DPEP2: variants seen among roughly 807,000 people sequenced by gnomAD.
The protein encoded by DPEP2 is dipeptidase 2.
In DPEP2, 45 loss-of-function variants were observed where a neutral mutation model predicts 51.8. That is an observed-to-expected ratio of 0.87 (90% CI 0.68 to 1.11). The LOEUF (loss-of-function observed/expected upper bound fraction) is 1.11, where lower values mean the gene tolerates loss of function less well. Among genes scored for constraint, DPEP2 ranks in the 50% most tolerant of loss-of-function variants. The pLI is 0.00. For synonymous variants in DPEP2, 255 were observed against 262.7 expected, an observed-to-expected ratio of 0.97 and a Z score of 0.28; for missense variants, 604 against 631.9, an observed-to-expected ratio of 0.96 and a Z score of 0.47.
intron 9 of DPEP2, 31 bp from the exon 10 acceptor site, chr16:67,988,018 C>A (rs1189687590): frequency 1.2e-6 from 2 of 1,613,606 alleles, no homozygotes; most frequent in Admixed American, 1.7e-5. Flanking sequence ...GGGTTTCAGA[C>A]CTGATTCCCT....
rs1014357073 is a variant in DPEP2, at chr16:67,992,867, C to G, written c.263+83G>C. The G allele has an allele frequency of 6.6e-6, 10 of 1,510,162 alleles. No individual in the cohort carries two copies. The African/African-American group carries it at 1.4e-4, about 21-fold the overall frequency. 93.5% of individuals were successfully genotyped at this position (1,510,162 alleles called of 1,614,324 possible). ...TCCAGGGGTGGTGTGAGGGAGCCTC[C>G]TCCACAGCCCTGCATACTCTGGGAC... On this transcript the variant is annotated intron_variant, in intron 2 of 10. Coordinates refer to ENST00000393847, the MANE Select transcript of DPEP2 (RefSeq NM_022355.4).
upstream of DPEP2, chr16:67,999,542 G>A (rs529552073): frequency 4.1e-6 from 4 of 984,572 alleles, no homozygotes; most frequent in South Asian, 1.4e-4. Flanking sequence ...GTTAGGGGGA[G>A]GATAGGCCTC....
intron 9 of DPEP2, 167 bp from the exon 10 acceptor site, chr16:67,988,154 A>G: frequency 1.4e-6 from 1 of 723,234 alleles, no homozygotes; most frequent in Non-Finnish European, 2.2e-6. Context: ...GAGGCCTCAA[A>G]ACCTCCTTGA....
chr16:67,993,444 A>G (rs2032444662), intron 1 of DPEP2, 187 bp from the exon 2 acceptor site: 2 of 1,250,968 alleles, frequency 1.6e-6, no homozygotes, highest in Non-Finnish European at 2.0e-6. Flanking sequence ...GTCATCCCCA[A>G]GGGCGCTCCC....
chr16:67,992,236 G>A lies in DPEP2; in HGVS notation c.391-43C>T, dbSNP rs748391219. 6 of 1,605,434 alleles carry A rather than the reference G, an allele frequency of 3.7e-6. No homozygotes were observed. In the African/African-American group the frequency reaches 6.7e-5, roughly 18 times the overall value. On this transcript the variant is annotated intron_variant, in intron 3 of 10. Transcript: ENST00000393847. Reference sequence around the variant, plus strand: ...GTTTGGCTTGGATGGGGGCTGCTTTGGAGGACCCTGGACTGCTCACAGCCT... The same window carrying A: ...GTTTGGCTTGGATGGGGGCTGCTTTAGAGGACCCTGGACTGCTCACAGCCT...
Position 67,991,559 on chromosome 16 carries a change from T to G in DPEP2, c.662+279A>C, listed in dbSNP as rs75417739. 13,688 of 515,794 alleles carry G rather than the reference T, an allele frequency of 0.027. 987 individuals carry two copies. Among genetic ancestry groups the G allele is most frequent in the African/African-American group, 0.19 (9,947 of 52,506 alleles). The allele number at this position is 515,794 out of a possible 1,614,324, so 32.0% of individuals were successfully genotyped here. A position where few individuals can be genotyped will look rare whatever the true frequency, so the allele number is the denominator to read the frequency against. ...CACCTGGCTAATTTTTGTGTTTTTC[T>G]TCAAGATAGGGTTTCACCATCTTGG... On this transcript the variant is annotated intron_variant, in intron 5 of 10. Coordinates refer to ENST00000393847, the MANE Select transcript of DPEP2 (RefSeq NM_022355.4). The surrounding 1 kb of genome is among the most constrained non-coding windows in gnomAD (Gnocchi z 5.1).
intron 1 of DPEP2, among the ~76,000 whole-genome samples, chr16:67,998,519 C>T (rs1567456009): frequency 1.3e-5 from 2 of 152,208 alleles, no homozygotes. Flanking sequence ...GGCTCCTGTG[C>T]GGCCGGAGCC....
chr16:67,989,900 CTG>C, intron 8 of DPEP2, 145 bp downstream of exon 8: 1 of 792,766 alleles, frequency 1.3e-6, no homozygotes, highest in Non-Finnish European at 2.1e-6. Context: ...AGCACTGACT[CTG>C]TGGCTGCAGC....
At chr16:67,988,082 G>A (rs2031635246) in intron 9 of DPEP2, 95 bp from the exon 10 acceptor site, 7 of 1,537,408 alleles carry the variant, frequency 4.6e-6, no homozygotes, top group South Asian at 3.5e-5. Flanking sequence ...CCCTGGTCAG[G>A]TATGGGAAGT....
chr16:67,993,860 T>C, intron 1 of DPEP2: 2 of 985,408 alleles, frequency 2.0e-6, no homozygotes, highest in Non-Finnish European at 2.4e-6. Flanking sequence ...TGACCTTCTC[T>C]CTCCCGTAAC....
In DPEP2 at chr16:67,993,213, G is replaced by T; in HGVS notation, c.-1C>A. On this transcript the variant is annotated 5_prime_UTR_variant, in exon 2 of 11. Transcript: ENST00000393847. ...GACCCTCGAGGCCGGAGGGCTGCAT[G>T]TTGTGCAGGGCCGGGCAGGCAGGCA... 6.8e-7 allele frequency: 1 copy of T among 1,462,168 alleles called. No homozygotes were observed. 90.6% of individuals were successfully genotyped at this position (1,462,168 alleles called of 1,614,324 possible).
chr16:67,992,983 C>T lies in DPEP2; in HGVS notation c.230G>A (p.Arg77Gln), dbSNP rs1487068051. ...GAGCGGGAAGTCCCGCATCAGGGCCCGTGCCTGCTCTTGCAGGCCCTGGGT... is the reference window on the plus strand; with the variant it reads ...GAGCGGGAAGTCCCGCATCAGGGCCTGTGCCTGCTCTTGCAGGCCCTGGGT... ...PSTQGLQEQA[R>Q]ALMRDFPLVD... The change falls in exon 2 of 11, where the codon CGG (arginine) becomes CAG (glutamine). Residue 77 changes from arginine (R) to glutamine (Q), a missense_variant. By Grantham distance (43) the Arg-to-Gln change is conservative (BLOSUM62 1). Coordinates refer to ENST00000393847, the MANE Select transcript of DPEP2 (RefSeq NM_022355.4). 1.9e-6 allele frequency: 3 copies of T among 1,610,954 alleles called. No homozygotes were observed. Among genetic ancestry groups the T allele is most frequent in the Admixed American group, 1.7e-5 (1 of 59,806 alleles).
Position 67,990,114 on chromosome 16 carries a change from G to C in DPEP2, c.927C>G (p.Val309=). The change falls in exon 8 of 11, where the codon GTC becomes GTG. Residue 309 remains valine, a synonymous_variant. Transcript: ENST00000393847. Reference sequence around the variant, plus strand: ...CTCCCATGGACAAAGACACCATCACGACGCCACCGTTCTTCTTCTGCAGGG... The same window carrying C: ...CTCCCATGGACAAAGACACCATCACCACGCCACCGTTCTTCTTCTGCAGGG... ...ILQLLKKNGG[V]VMVSLSMGVI... 2 of 1,614,084 alleles carry C rather than the reference G, an allele frequency of 1.2e-6. No individual in the cohort carries two copies. The highest frequency in any genetic ancestry group is 1.7e-6 in the Non-Finnish European group (2 of 1,179,998).
intron 7 of DPEP2, among the ~76,000 whole-genome samples, 197 bp downstream of exon 7, chr16:67,990,624 C>T (rs966510621): frequency 8.5e-5 from 13 of 152,118 alleles, no homozygotes; most frequent in South Asian, 6.2e-4. Context: ...CCATCACACC[C>T]GGCTAATTTT....
Position 67,991,567 on chromosome 16 carries a change from AGGGTTTCACCATCTT to A in DPEP2, c.662+256_662+270del. The A allele has an allele frequency of 1.9e-6, 1 of 524,654 alleles. No homozygotes were observed. The highest frequency in any genetic ancestry group is 3.3e-5 in the Admixed American group (1 of 30,312). The allele number at this position is 524,654 out of a possible 1,614,324, so 32.5% of individuals were successfully genotyped here. On this transcript the variant is annotated intron_variant, in intron 5 of 10. Coordinates refer to ENST00000393847, the MANE Select transcript of DPEP2 (RefSeq NM_022355.4). This position sits in a 1 kb window ranked among gnomAD's most constrained non-coding sequence, Gnocchi z 5.1. ...TAATTTTTGTGTTTTTCTTCAAGAT[AGGGTTTCACCATCTT>A]GGCCAGGCTGGTCTCGAACTCCTGG...
intron 2 of DPEP2, 103 bp from the exon 3 acceptor site, chr16:67,992,739 C>T (rs932873930): frequency 5.8e-6 from 9 of 1,542,548 alleles, no homozygotes; most frequent in Non-Finnish European, 7.9e-6. Flanking sequence ...CCCTCATTGT[C>T]ACATGACTAT....
chr16:67,988,936 A>C (rs889253211), intron 9 of DPEP2, among the ~76,000 whole-genome samples: 1 of 152,078 alleles, frequency 6.6e-6, no homozygotes, highest in South Asian at 2.1e-4. Context: ...AAAGGAAGAA[A>C]GAAGGAGGAG....
rs1376818232 is a variant in DPEP2 at position 67,992,075 on chromosome 16, G to T, written c.509C>A (p.Thr170Asn). Reference protein sequence around the residue: ...CASYSELELVTSAKALNDTQK... With the variant: ...CASYSELELVNSAKALNDTQK... ...ATCAACTTGCCTACCTTTAGCCGAG[G>T]TCACAAGCTCCAGCTCAGAATAGGA... Residue 170 changes from threonine (T) to asparagine (N), a missense_variant, in exon 4 of 11, where the codon ACC (threonine) becomes AAC (asparagine). Thr to Asn is a moderately conservative substitution (Grantham distance 65, BLOSUM62 0). Transcript: ENST00000393847. The T allele has an allele frequency of 9.3e-6, 15 of 1,614,158 alleles. No individual in the cohort carries two copies. The highest frequency in any genetic ancestry group is 1.3e-5 in the African/African-American group (1 of 75,032).
At chr16:67,992,885 T>C in intron 2 of DPEP2, 65 bp downstream of exon 2, 1 of 1,547,336 alleles carries the variant, frequency 6.5e-7, no homozygotes, top group Non-Finnish European at 8.7e-7. Context: ...CCCTGCATAC[T>C]CTGGGACCCT....
Sources: allele counts gnomAD v4.1 joint callset (sites outside exome capture counted in the v4.1 genomes callset), GRCh38; gene constraint gnomAD v4.1.1; non-coding constraint Gnocchi (gnomAD v3.1); transcripts MANE v1.5; gene names NCBI Gene and HGNC (gene_info 2026-07-23, HGNC 2026-07-21).